Variants in CDK19 observed in about 807,000 individuals in gnomAD.
CDK19 encodes the protein cyclin-dependent kinase 19.
A neutral mutation model predicts 68.3 loss-of-function variants in CDK19; 20 were observed. The observed-to-expected ratio is 0.29, with a 90% CI of 0.21 to 0.43. The LOEUF is 0.43. Ranked by LOEUF, CDK19 falls within the 20% of genes least tolerant of loss-of-function variation. The pLI, the probability that CDK19 is intolerant of heterozygous loss-of-function variation, is 1.00. For missense variants in CDK19, 339 were observed against 623.5 expected (o/e 0.54, Z 4.86); for synonymous variants, 221 against 222.8 (o/e 0.99, Z 0.07).
At chr6:110,718,423 C>CT (rs1775572041) in intron 2 of CDK19, among the ~76,000 whole-genome samples, 1 of 147,914 alleles carries the variant, frequency 6.8e-6, no homozygotes, top group Non-Finnish European at 1.5e-5. Flanking sequence ...TAGGAAAACT[C>CT]TATCAACTGG....
chr6:110,653,698 G>A (rs1781123217), intron 4 of CDK19, among the ~76,000 whole-genome samples: 1 of 152,072 alleles, frequency 6.6e-6, no homozygotes, highest in Non-Finnish European at 1.5e-5. Flanking sequence ...CAAAAGTCAG[G>A]GAAATAATGT....
chr6:110,697,099 G>C (rs1396120467), intron 2 of CDK19, among the ~76,000 whole-genome samples: 1 of 151,572 alleles, frequency 6.6e-6, no homozygotes, highest in Non-Finnish European at 1.5e-5. Flanking sequence ...TGGGCATGGT[G>C]GTGGGTGCCC....
At chr6:110,746,878 ACAGCAGT>A (rs1327363879) in intron 1 of CDK19, among the ~76,000 whole-genome samples, 3 of 152,226 alleles carry the variant, frequency 2.0e-5, no homozygotes, top group Admixed American at 2.0e-4. Flanking sequence ...CCAAGAGAAT[ACAGCAGT>A]TCAAAATCTG....
intron 2 of CDK19, among the ~76,000 whole-genome samples, chr6:110,719,983 C>A (rs1205747289): frequency 5.0e-5 from 5 of 100,508 alleles, no homozygotes; most frequent in African/African-American, 1.1e-4. Flanking sequence ...CCCCCCCCCC[C>A]CCACCCCCCC....
chr6:110,658,839 C>G (rs1208860156), intron 4 of CDK19, among the ~76,000 whole-genome samples: 1 of 152,146 alleles, frequency 6.6e-6, no homozygotes, highest in African/African-American at 2.4e-5. Flanking sequence ...GAAAGGGCAT[C>G]TTTGGATTAC....
At chr6:110,634,714 A>G (rs935319462) in intron 5 of CDK19, among the ~76,000 whole-genome samples, 1 of 152,240 alleles carries the variant, frequency 6.6e-6, no homozygotes, top group African/African-American at 2.4e-5. Context: ...TTATTCTACA[A>G]TATTACACAA....
In CDK19 at chr6:110,613,067, T is replaced by C. The variant is rs767831740; in HGVS notation, c.*1468A>G. ...TTTAAAACAAGGCTGGTGCTGCTAG[T>C]AGCATTCAGAAGAACACAAATTTCT... On this transcript the variant is annotated 3_prime_UTR_variant, in exon 13 of 13. Transcript: ENST00000368911. The C allele has an allele frequency of 1.2e-4, 19 of 152,638 alleles. No individual in the cohort carries two copies. Among genetic ancestry groups the C allele is most frequent in the Non-Finnish European group, 2.2e-4 (15 of 68,044 alleles). 9.5% of individuals were successfully genotyped at this position (152,638 alleles called of 1,614,324 possible). A position where few individuals can be genotyped will look rare whatever the true frequency, so the allele number is the denominator to read the frequency against.
At chr6:110,777,802 T>C (rs1231289544) in intron 1 of CDK19, among the ~76,000 whole-genome samples, 3 of 152,202 alleles carry the variant, frequency 2.0e-5, no homozygotes, top group Non-Finnish European at 4.4e-5. Flanking sequence ...TAACAGAATA[T>C]TAGCCATAAA....
chr6:110,679,735 T>C (rs962011956), intron 2 of CDK19, among the ~76,000 whole-genome samples: 9 of 152,240 alleles, frequency 5.9e-5, no homozygotes, highest in Non-Finnish European at 1.3e-4. Context: ...ATACTCATTG[T>C]ACAGAAATAT....
chr6:110,815,163 G>A lies in CDK19; in HGVS notation c.-27C>T, dbSNP rs769702754. The A allele has an allele frequency of 2.6e-6, 4 of 1,564,164 alleles. No individual in the cohort carries two copies. Among genetic ancestry groups the A allele is most frequent in the Non-Finnish European group, 3.5e-6 (4 of 1,156,788 alleles). ...GTCTGCTTCCCCCATAGAGGCACGG[G>A]ACGCGGGGGCCGCCGCCGCTCAGTC... On this transcript the variant is annotated 5_prime_UTR_variant, in exon 1 of 13. Transcript: ENST00000368911.
chr6:110,751,878 ATTC>A (rs759516819), intron 1 of CDK19, among the ~76,000 whole-genome samples: 5 of 152,032 alleles, frequency 3.3e-5, no homozygotes, highest in Non-Finnish European at 7.4e-5. Flanking sequence ...AAAAAAAGAC[ATTC>A]TTCAAATCAT....
At chr6:110,722,346 A>C (rs568552081) in intron 2 of CDK19, 3 of 152,172 alleles carry the variant, frequency 2.0e-5, no homozygotes, top group African/African-American at 7.2e-5. Context: ...CAAAATAAGC[A>C]ACCTATACTT....
intron 2 of CDK19, among the ~76,000 whole-genome samples, chr6:110,734,477 C>A (rs762757155): frequency 1.4e-5 from 2 of 146,512 alleles, no homozygotes; most frequent in South Asian, 2.2e-4. Flanking sequence ...TTAAAACAGT[C>A]AACTCCTCAA....
chr6:110,721,912 CGA>C (rs1160828669), intron 2 of CDK19, among the ~76,000 whole-genome samples: 2 of 151,994 alleles, frequency 1.3e-5, no homozygotes, highest in African/African-American at 4.8e-5. Flanking sequence ...TGCAGTGAGC[CGA>C]GATCACGCCA....
rs199840603 is a variant in CDK19, at chr6:110,769,574, A to T, written c.129-23373T>A. 0.03 allele frequency among the ~76,000 whole-genome samples: 4,449 copies of T among 146,522 alleles called. 358 individuals carry two copies. The East Asian group carries it at 0.35, about 12-fold the overall frequency. ...AGCAAGATTCCATCTCAAAAAAAAA[A>T]AAAAATAATAATAATAATAATAATA... is the stretch of plus-strand genomic sequence containing the variant. On this transcript the variant is annotated intron_variant, in intron 1 of 12. Coordinates refer to ENST00000368911, the MANE Select transcript of CDK19 (RefSeq NM_015076.5).
At chr6:110,794,947 A>G (rs781387770) in intron 1 of CDK19, among the ~76,000 whole-genome samples, 1 of 152,140 alleles carries the variant, frequency 6.6e-6, no homozygotes, top group Non-Finnish European at 1.5e-5. Flanking sequence ...ATAAATATAA[A>G]ATATTCCAAG....
At chr6:110,716,567 T>C (rs1775415332) in intron 2 of CDK19, among the ~76,000 whole-genome samples, 2 of 152,194 alleles carry the variant, frequency 1.3e-5, no homozygotes, top group South Asian at 2.1e-4. Flanking sequence ...AAAAAGATTA[T>C]AGAAGTATTA....
chr6:110,673,550 A>C (rs1381271975), intron 2 of CDK19, among the ~76,000 whole-genome samples: 1 of 151,858 alleles, frequency 6.6e-6, no homozygotes, highest in Non-Finnish European at 1.5e-5. Flanking sequence ...AAAAAAAAAA[A>C]CTTTTTTTGT....
intron 1 of CDK19, among the ~76,000 whole-genome samples, chr6:110,810,211 T>C (rs1226458141): frequency 1.3e-5 from 2 of 152,198 alleles, no homozygotes; most frequent in Non-Finnish European, 2.9e-5. Flanking sequence ...TGTCTTTACA[T>C]GACAAACTAA....
Sources: gnomAD v4.1 joint callset for allele counts (sites outside exome capture counted in the v4.1 genomes callset) on GRCh38, gnomAD v4.1.1 for gene constraint, MANE v1.5 for transcripts, NCBI Gene and HGNC (gene_info 2026-07-23, HGNC 2026-07-21) for gene names.